The following FAF1 variants were observed in gnomAD, a reference collection of about 807,000 sequenced individuals.
FAF1 encodes FAS-associated factor 1.
FAF1 carries 25 observed loss-of-function variants against 92.5 expected under a neutral mutation model. The ratio of observed to expected loss-of-function variants is 0.27; its 90% CI spans 0.20 to 0.38. The LOEUF (loss-of-function observed/expected upper bound fraction) is 0.38. Ranked by LOEUF, FAF1 falls within the 10% of genes least tolerant of loss-of-function variation. The pLI is 1.00. For missense variants in FAF1, 636 were observed against 793.3 expected (o/e 0.80, Z 2.38); for synonymous variants, 234 against 273.2 (o/e 0.86, Z 1.42).
chr1:50,727,501 C>T (rs976333149), intron 6 of FAF1, among the ~76,000 whole-genome samples: 5 of 152,082 alleles, frequency 3.3e-5, no homozygotes, highest in Admixed American at 2.6e-4. Flanking sequence ...ACTATGTTTC[C>T]GACACTTTTT....
chr1:50,458,605 A>T (rs1572755235), intron 18 of FAF1, among the ~76,000 whole-genome samples: 3 of 152,224 alleles, frequency 2.0e-5, no homozygotes, highest in African/African-American at 4.8e-5. Flanking sequence ...AAACACATTT[A>T]AAAAATTCCT....
intron 5 of FAF1, among the ~76,000 whole-genome samples, chr1:50,739,614 A>T (rs1659307333): frequency 6.6e-6 from 1 of 152,172 alleles, no homozygotes; most frequent in African/African-American, 2.4e-5. Context: ...TTTCAGGGTC[A>T]TCATGGCAAA....
At chr1:50,785,386 A>G (rs1661325655) in intron 4 of FAF1, among the ~76,000 whole-genome samples, 1 of 152,082 alleles carries the variant, frequency 6.6e-6, no homozygotes, top group South Asian at 2.1e-4. Flanking sequence ...ATATCTAATA[A>G]GGGGTTAAAA....
intron 1 of FAF1, among the ~76,000 whole-genome samples, chr1:50,873,663 G>T (rs748488147): frequency 6.6e-6 from 1 of 152,116 alleles, no homozygotes; most frequent in Non-Finnish European, 1.5e-5. Context: ...CCTTTTCTAG[G>T]GATTTCTGAA....
At chr1:50,728,548 T>C (rs1266965892) in intron 6 of FAF1, among the ~76,000 whole-genome samples, 2 of 152,016 alleles carry the variant, frequency 1.3e-5, no homozygotes, top group Non-Finnish European at 2.9e-5. Context: ...TCCAGCACTT[T>C]GGGAGGCTGA....
chr1:50,859,421 A>G (rs1644415087), intron 1 of FAF1, among the ~76,000 whole-genome samples: 1 of 151,974 alleles, frequency 6.6e-6, no homozygotes, highest in Admixed American at 6.6e-5. Flanking sequence ...TCAAGACACA[A>G]AAATCGATGT....
At chr1:50,739,043 T>G in intron 5 of FAF1, 89 bp from the exon 6 acceptor site, 1 of 845,844 alleles carries the variant, frequency 1.2e-6, no homozygotes, top group Non-Finnish European at 1.8e-6. Context: ...AATTGTTAAT[T>G]TTGTAGTTTT....
At chr1:50,671,540 G>T (rs1315296502) in intron 7 of FAF1, among the ~76,000 whole-genome samples, 1 of 152,142 alleles carries the variant, frequency 6.6e-6, no homozygotes. Context: ...TACTGTAATA[G>T]ATAATGTTAA....
At chr1:50,819,421 C>T (rs1175151015) in intron 2 of FAF1, among the ~76,000 whole-genome samples, 1 of 150,238 alleles carries the variant, frequency 6.7e-6, no homozygotes, top group Non-Finnish European at 1.5e-5. Context: ...TTGAGACCAG[C>T]CTGGGCAATA....
chr1:50,611,067 G>C (rs1421335478), intron 8 of FAF1, among the ~76,000 whole-genome samples: 1 of 152,112 alleles, frequency 6.6e-6, no homozygotes, highest in East Asian at 1.9e-4. Flanking sequence ...GGTAAACAAG[G>C]CAGCACCAGC....
chr1:50,533,336 G>A (rs1250012059), intron 15 of FAF1, among the ~76,000 whole-genome samples: 2 of 152,058 alleles, frequency 1.3e-5, no homozygotes, highest in Non-Finnish European at 2.9e-5. Flanking sequence ...GCCTCCCAAA[G>A]TGTTGGGATT....
intron 3 of FAF1, among the ~76,000 whole-genome samples, chr1:50,790,596 T>G (rs1200424115): frequency 6.6e-6 from 1 of 151,850 alleles, no homozygotes; most frequent in Admixed American, 6.6e-5. Context: ...GCCACTTCTT[T>G]TTTTTTTTAA....
intron 18 of FAF1, among the ~76,000 whole-genome samples, chr1:50,443,795 G>A (rs1646197136): frequency 6.6e-6 from 1 of 152,132 alleles, no homozygotes; most frequent in Non-Finnish European, 1.5e-5. Context: ...GACTGGGTAG[G>A]GGCCCTGATC....
At chr1:50,729,058 A>ATATTTTTTTTTT (rs1375923156) in intron 6 of FAF1, among the ~76,000 whole-genome samples, 2 of 70,120 alleles carry the variant, frequency 2.9e-5, no homozygotes, top group South Asian at 5.6e-4. Context: ...ATATATATAT[A>ATATTTTTTTTTT]TTTTTTTTTT....
intron 2 of FAF1, among the ~76,000 whole-genome samples, chr1:50,839,591 G>A (rs1267997180): frequency 2.0e-5 from 3 of 152,150 alleles, no homozygotes; most frequent in African/African-American, 7.2e-5. Flanking sequence ...CAGGAAGCAA[G>A]AGTGAGGTGT....
At chr1:50,606,237 CTT>C (rs1652386299) in intron 8 of FAF1, among the ~76,000 whole-genome samples, 1 of 152,124 alleles carries the variant, frequency 6.6e-6, no homozygotes, top group African/African-American at 2.4e-5. Context: ...TTTATATCAA[CTT>C]ATGTCAATTA....
intron 1 of FAF1, among the ~76,000 whole-genome samples, chr1:50,947,229 A>C (rs1026271025): frequency 4.6e-5 from 7 of 152,204 alleles, no homozygotes; most frequent in African/African-American, 1.4e-4. Flanking sequence ...AAAAGAGAAG[A>C]AGCTTTCCTC....
chr1:50,852,656 A>C (rs2124659647), intron 2 of FAF1, among the ~76,000 whole-genome samples: 1 of 152,306 alleles, frequency 6.6e-6, no homozygotes, highest in East Asian at 1.9e-4. Context: ...ATGAACTGAC[A>C]GGCCTGGGTT....
At chr1:50,663,338 G>A (rs1381466351) in intron 7 of FAF1, among the ~76,000 whole-genome samples, 14 of 150,590 alleles carry the variant, frequency 9.3e-5, no homozygotes. Flanking sequence ...AGCAATCTCT[G>A]TTTTAATAAG....
Sources: gnomAD v4.1 joint callset for allele counts (sites outside exome capture counted in the v4.1 genomes callset) on GRCh38, gnomAD v4.1.1 for gene constraint, MANE v1.5 for transcripts, NCBI Gene and HGNC (gene_info 2026-07-23, HGNC 2026-07-21) for gene names.